Variants in DACH2 observed in about 807,000 individuals in gnomAD.
DACH2 encodes dachshund family transcription factor 2.
In DACH2, 17 loss-of-function variants were observed where a neutral mutation model predicts 35.8. The observed-to-expected ratio is 0.48, with a 90% CI of 0.33 to 0.71. The LOEUF (loss-of-function observed/expected upper bound fraction) is 0.71. Among genes scored for constraint, DACH2 ranks in the 30% least tolerant of loss-of-function variants. DACH2 has a pLI of 0.02. For synonymous variants in DACH2, 195 were observed against 177.3 expected (o/e 1.10, Z -0.79); for missense variants, 469 against 472.7 (o/e 0.99, Z 0.07).
At chrX:86,202,839 A>G (rs1406087679) in intron 1 of DACH2, among the ~76,000 whole-genome samples, 4 of 111,393 alleles carry the variant, frequency 3.6e-5, no homozygotes, top group Non-Finnish European at 5.7e-5. Flanking sequence ...ATAATGTAAG[A>G]GAGGGAAAAT....
At chrX:86,520,102 T>C (rs773299194) in intron 3 of DACH2, among the ~76,000 whole-genome samples, 1 of 111,953 alleles carries the variant, frequency 8.9e-6, no homozygotes, top group Non-Finnish European at 1.9e-5. Flanking sequence ...TGGTGTGTTG[T>C]GTCTTTGTTC....
chrX:86,195,681 C>T (rs774875951), intron 1 of DACH2, among the ~76,000 whole-genome samples: 23 of 111,727 alleles, frequency 2.1e-4, no homozygotes, highest in Middle Eastern at 9.3e-3. Context: ...CCAGCACCAC[C>T]CTTTGGAGTG....
At chrX:86,807,016 A>G (rs2042351313) in intron 7 of DACH2, among the ~76,000 whole-genome samples, 1 of 111,311 alleles carries the variant, frequency 9.0e-6, no homozygotes, top group African/African-American at 3.3e-5. Flanking sequence ...TTGACAATCA[A>G]ACATGTCTGT....
intron 3 of DACH2, among the ~76,000 whole-genome samples, chrX:86,519,223 A>G (rs1316038111): frequency 1.8e-5 from 2 of 112,368 alleles, no homozygotes; most frequent in Non-Finnish European, 3.8e-5. Flanking sequence ...TGTTGAACCA[A>G]CCTTACATCC....
chrX:86,817,946 G>T (rs913051706), intron 11 of DACH2, among the ~76,000 whole-genome samples: 5 of 112,007 alleles, frequency 4.5e-5, no homozygotes, highest in African/African-American at 1.6e-4. Context: ...GAGATAGTTA[G>T]ATTCATCTTA....
At chrX:86,404,745 T>C (rs1439437178) in intron 2 of DACH2, among the ~76,000 whole-genome samples, 1 of 112,363 alleles carries the variant, frequency 8.9e-6, no homozygotes, top group Non-Finnish European at 1.9e-5. Flanking sequence ...CTGTGGAAAC[T>C]CTGTGTGGGG....
At chrX:86,555,368 A>G (rs2039103610) in intron 3 of DACH2, among the ~76,000 whole-genome samples, 1 of 111,841 alleles carries the variant, frequency 8.9e-6, no homozygotes, top group Admixed American at 9.6e-5. Context: ...AATGTTTTCA[A>G]TATTTACAAG....
At chrX:86,250,781 T>A (rs1391119300) in intron 1 of DACH2, among the ~76,000 whole-genome samples, 3 of 111,296 alleles carry the variant, frequency 2.7e-5, no homozygotes, top group African/African-American at 9.8e-5. Flanking sequence ...ATTCAATGAA[T>A]CCACAGTAAT....
At chrX:86,424,688 T>C (rs2036862944) in intron 2 of DACH2, among the ~76,000 whole-genome samples, 1 of 111,642 alleles carries the variant, frequency 9.0e-6, no homozygotes, top group South Asian at 3.7e-4. Flanking sequence ...TCTTGTATGA[T>C]TGCTCTAGCC....
chrX:86,308,352 AG>A (rs1464552182), intron 1 of DACH2, among the ~76,000 whole-genome samples: 1 of 112,642 alleles, frequency 8.9e-6, no homozygotes, highest in Non-Finnish European at 1.9e-5. Context: ...CGACTGTCAA[AG>A]GCAAGGTGGG....
At position 86,600,085 on chromosome X, in the gene DACH2, G is replaced by C. The variant is rs182772379; in HGVS notation, c.641-50951G>C. On this transcript the variant is annotated intron_variant, in intron 3 of 11. Coordinates refer to ENST00000373125, the MANE Select transcript of DACH2 (RefSeq NM_053281.3). ...AGCTGTAAACTGGGAAAAGAGGGAG[G>C]CCTGTGATTTTTGTCACATCAATTC... is the stretch of plus-strand genomic sequence containing the variant. Among the ~76,000 whole-genome samples, 289 of 111,902 alleles carry C rather than the reference G, an allele frequency of 2.6e-3. 1 individual carries two copies. Among genetic ancestry groups the C allele is most frequent in the African/African-American group, 9.0e-3 (276 of 30,830 alleles).
At chrX:86,813,754 A>G (rs2042419292) in intron 9 of DACH2, among the ~76,000 whole-genome samples, 1 of 110,422 alleles carries the variant, frequency 9.1e-6, no homozygotes, top group African/African-American at 3.3e-5. Flanking sequence ...ACAACTACCT[A>G]TGTGATCTTT....
At chrX:86,645,030 C>A (rs2040398206) in intron 3 of DACH2, among the ~76,000 whole-genome samples, 1 of 110,671 alleles carries the variant, frequency 9.0e-6, no homozygotes, top group Non-Finnish European at 1.9e-5. Flanking sequence ...AGAAGGACAC[C>A]AAAAGCAAGC....
At chrX:86,428,864 A>G (rs377477473) in intron 2 of DACH2, among the ~76,000 whole-genome samples, 1 of 110,833 alleles carries the variant, frequency 9.0e-6, no homozygotes, top group African/African-American at 3.3e-5. Context: ...GTTATTTTTC[A>G]TAGGGTATTT....
intron 2 of DACH2, among the ~76,000 whole-genome samples, chrX:86,458,759 T>C: frequency 9.0e-6 from 1 of 111,673 alleles, no homozygotes; most frequent in East Asian, 2.8e-4. Context: ...GTTAAATCAA[T>C]TTGGGGAAGA....
At chrX:86,511,805 A>T (rs2038400841) in intron 2 of DACH2, among the ~76,000 whole-genome samples, 1 of 111,835 alleles carries the variant, frequency 8.9e-6, no homozygotes, top group African/African-American at 3.2e-5. Flanking sequence ...TAAGTGAATA[A>T]GACAATGGGA....
intron 1 of DACH2, among the ~76,000 whole-genome samples, chrX:86,343,861 A>T (rs1283052795): frequency 1.8e-5 from 2 of 111,217 alleles, no homozygotes; most frequent in South Asian, 3.8e-4. Context: ...TCCATATTTT[A>T]AAAAAATTTA....
chrX:86,514,263 G>T lies in DACH2; in HGVS notation c.528-16G>T, dbSNP rs777839142. ...ACATTTTTAACCTTTATCTATATTT[G>T]TCTGTTTTTCAACAGTTCAAGACCC... On this transcript the variant is annotated splice_polypyrimidine_tract_variant and intron_variant, in intron 2 of 11. Transcript: ENST00000373125. 8 of 1,190,378 alleles carry T rather than the reference G, an allele frequency of 6.7e-6. No individual in the cohort carries two copies. Among genetic ancestry groups the T allele is most frequent in the Non-Finnish European group, 8.0e-6 (7 of 878,584 alleles).
chrX:86,159,729 T>C (rs1443363269), intron 1 of DACH2, among the ~76,000 whole-genome samples: 2 of 111,640 alleles, frequency 1.8e-5, no homozygotes, highest in Non-Finnish European at 3.8e-5. Context: ...ATTATCTAGG[T>C]TGAGTTTTAT....
Sources: allele counts gnomAD v4.1 joint callset (sites outside exome capture counted in the v4.1 genomes callset), GRCh38; gene constraint gnomAD v4.1.1; transcripts MANE v1.5; gene names NCBI Gene and HGNC (gene_info 2026-07-23, HGNC 2026-07-21).